The following TMCO6 variants were observed in gnomAD, a reference collection of about 807,000 sequenced individuals.
TMCO6 encodes the protein transmembrane and coiled-coil domain-containing protein 6.
In TMCO6, 47 loss-of-function variants were observed where a neutral mutation model predicts 61.8. The ratio of observed to expected loss-of-function variants is 0.76; its 90% CI spans 0.60 to 0.97. The LOEUF is 0.97. TMCO6 is among the 50% of genes least tolerant of loss of function. TMCO6 has a pLI of 0.00. For synonymous variants in TMCO6, 261 were observed against 254.2 expected (o/e 1.03, Z -0.25); for missense variants, 557 against 601.6 (o/e 0.93, Z 0.78).
At chr5:140,616,504 G>A in the TMCO6 span, among the ~76,000 whole-genome samples, 3 of 152,294 alleles carry the variant, frequency 2.0e-5, no homozygotes, top group African/African-American at 7.2e-5. Flanking sequence ...TGAGGTTGCA[G>A]TGAGCTATGA....
the TMCO6 span, among the ~76,000 whole-genome samples, chr5:140,619,538 T>TG: frequency 6.6e-6 from 1 of 151,822 alleles, no homozygotes; most frequent in Non-Finnish European, 1.5e-5. Context: ...AAAGCAGACT[T>TG]GGGGGGTATG....
chr5:140,597,683 A>G, the TMCO6 span, among the ~76,000 whole-genome samples: 73 of 152,326 alleles, frequency 4.8e-4, 1 homozygote, highest in Middle Eastern at 6.8e-3. Context: ...GCTGGCAACA[A>G]TAGTAGTTTA....
intron 9 of TMCO6, 21 bp downstream of exon 9, chr5:140,643,987 A>AG: frequency 6.2e-7 from 1 of 1,613,852 alleles, no homozygotes; most frequent in Admixed American, 1.7e-5. Flanking sequence ...TAATCTGCCC[A>AG]GGCCTGGACA....
At chr5:140,642,238 ACCTCC>A in intron 4 of TMCO6, 72 bp from the exon 5 acceptor site, 1 of 1,432,034 alleles carries the variant, frequency 7.0e-7, no homozygotes, top group African/African-American at 1.4e-5. Context: ...CGTCCCCATC[ACCTCC>A]CCTCCCCATC....
chr5:140,634,827 T>C (rs1240792269), upstream of TMCO6, among the ~76,000 whole-genome samples: 1 of 151,432 alleles, frequency 6.6e-6, no homozygotes, highest in Non-Finnish European at 1.5e-5. Context: ...GTTTTGTTCT[T>C]GTTGCCCAGG....
At chr5:140,642,486 G>T in intron 5 of TMCO6, 67 bp downstream of exon 5, 2 of 1,603,512 alleles carry the variant, frequency 1.2e-6, no homozygotes, top group Admixed American at 3.3e-5. Context: ...ATCTACTTTG[G>T]TTAGGTAGCT....
At chr5:140,630,620 A>G in the TMCO6 span, among the ~76,000 whole-genome samples, 1 of 152,188 alleles carries the variant, frequency 6.6e-6, no homozygotes, top group Non-Finnish European at 1.5e-5. Flanking sequence ...TCAAGGGAAG[A>G]AAAAAACTGC....
chr5:140,627,704 T>A, the TMCO6 span, among the ~76,000 whole-genome samples: 1 of 149,542 alleles, frequency 6.7e-6, no homozygotes, highest in Non-Finnish European at 1.5e-5. Flanking sequence ...AGCTTTTTCA[T>A]TTGCCAGTTT....
At chr5:140,610,968 A>G in the TMCO6 span, among the ~76,000 whole-genome samples, 2 of 152,252 alleles carry the variant, frequency 1.3e-5, no homozygotes, top group Admixed American at 1.3e-4. Flanking sequence ...TTATTTAAAT[A>G]ATCACGTGGT....
In TMCO6 at chr5:140,639,571, G is replaced by A; in HGVS notation, c.44G>A (p.Gly15Glu). 6.5e-7 allele frequency: 1 copy of A among 1,546,910 alleles called. No homozygotes were observed. Among genetic ancestry groups the A allele is most frequent in the Non-Finnish European group, 8.7e-7 (1 of 1,145,222 alleles). The change falls in exon 1 of 12, where the codon GGG (glycine) becomes GAG (glutamate). Residue 15 changes from glycine to glutamate, a missense_variant. Gly to Glu is a moderately conservative substitution (Grantham distance 98, BLOSUM62 -2). Transcript: ENST00000394671. ...GGCCGCCTCAGGCCCACGGTCTGCG[G>A]GGTGGAGGAGCTACGGCGCCGCCGG... Reference protein sequence around the residue: ...RQGRLRPTVCGVEELRRRRRE... With the variant: ...RQGRLRPTVCEVEELRRRRRE...
the TMCO6 span, among the ~76,000 whole-genome samples, chr5:140,622,722 TAC>T: frequency 1.6e-5 from 1 of 62,782 alleles, no homozygotes; most frequent in Non-Finnish European, 3.0e-5. Context: ...GGGCTTTAGC[TAC>T]AAAAAAAAAA....
Position 140,643,657 on chromosome 5 carries a change from G to A in TMCO6, c.900G>A (p.Glu300=). The A allele has an allele frequency of 6.2e-7, 1 of 1,613,088 alleles. No homozygotes were observed. The highest frequency in any genetic ancestry group is 1.7e-5 in the Admixed American group (1 of 59,842). ...LDLAGAVQKT[E]DAGLELLACP... ...TGGCTGGGGCTGTCCAGAAAACCGAGGATGCAGGACTGGAGCTGGTAGGTG... is the reference window on the plus strand; with the variant it reads ...TGGCTGGGGCTGTCCAGAAAACCGAAGATGCAGGACTGGAGCTGGTAGGTG... Residue 300 remains glutamate (E), a synonymous_variant, in exon 8 of 12, where the codon GAG becomes GAA. Coordinates refer to ENST00000394671, the MANE Select transcript of TMCO6 (RefSeq NM_018502.5).
At chr5:140,599,078 G>T in the TMCO6 span, among the ~76,000 whole-genome samples, 2 of 152,270 alleles carry the variant, frequency 1.3e-5, no homozygotes, top group South Asian at 4.1e-4. Context: ...TGTGCCCCAG[G>T]GCCACCTGCA....
chr5:140,597,839 A>T, the TMCO6 span, among the ~76,000 whole-genome samples: 978 of 152,378 alleles, frequency 6.4e-3, 5 homozygotes, highest in Middle Eastern at 0.027. Flanking sequence ...GGCACAACTT[A>T]ACCTATAGGG....
the TMCO6 span, chr5:140,633,049 C>T: frequency 6.2e-6 from 10 of 1,614,036 alleles, no homozygotes; most frequent in Middle Eastern, 1.6e-4. Context: ...ACGCGTTCGA[C>T]CCCAAGACCC....
the TMCO6 span, chr5:140,633,206 T>C: frequency 1.5e-3 from 1,668 of 1,112,402 alleles, 21 homozygotes; most frequent in African/African-American, 0.023. Context: ...ACAGTTTATG[T>C]AATCCTGGGA....
At chr5:140,622,381 C>G in the TMCO6 span, among the ~76,000 whole-genome samples, 1 of 152,112 alleles carries the variant, frequency 6.6e-6, no homozygotes, top group Non-Finnish European at 1.5e-5. Context: ...ACAAAAAAAT[C>G]TAGAAAATGA....
upstream of TMCO6, chr5:140,639,401 C>T (rs1180744416): frequency 9.3e-6 from 9 of 969,192 alleles, no homozygotes; most frequent in Non-Finnish European, 1.4e-5. Context: ...CCAGCACCCA[C>T]CCCGCTCCTC....
chr5:140,606,642 C>A, the TMCO6 span, among the ~76,000 whole-genome samples: 428 of 152,198 alleles, frequency 2.8e-3, 1 homozygote, highest in African/African-American at 9.6e-3. Flanking sequence ...ATCTCTATTG[C>A]CCAGCTGGGT....
Sources: gnomAD v4.1 joint callset for allele counts (sites outside exome capture counted in the v4.1 genomes callset) on GRCh38, gnomAD v4.1.1 for gene constraint, MANE v1.5 for transcripts, NCBI Gene and HGNC (gene_info 2026-07-23, HGNC 2026-07-21) for gene names.